NEDD9: variants seen among roughly 807,000 people sequenced by gnomAD.
The protein encoded by NEDD9 is neural precursor cell expressed, developmentally down-regulated 9, also known as enhancer of filamentation 1.
A neutral mutation model predicts 76.6 loss-of-function variants in NEDD9; 26 were observed. The observed-to-expected ratio is 0.34, with a 90% confidence interval of 0.25 to 0.47. The LOEUF (loss-of-function observed/expected upper bound fraction) is 0.47. Among genes scored for constraint, NEDD9 ranks in the 20% least tolerant of loss-of-function variants. The pLI, the probability that NEDD9 is intolerant of heterozygous loss-of-function variation, is 1.00. For synonymous variants in NEDD9, 392 were observed against 414.2 expected, an observed-to-expected ratio of 0.95 and a Z score of 0.65; for missense variants, 937 against 1,058.5, an observed-to-expected ratio of 0.89 and a Z score of 1.59.
At chr6:11,268,148 C>G (rs538699067) in intron 3 of NEDD9, among the ~76,000 whole-genome samples, 1 of 152,210 alleles carries the variant, frequency 6.6e-6, no homozygotes, top group Non-Finnish European at 1.5e-5. Flanking sequence ...TCCCTCCTTA[C>G]TCTCCCTAGT....
Position 11,189,982 on chromosome 6 carries a change from G to A in NEDD9, c.1887C>T (p.Tyr629=), listed in dbSNP as rs35719173. ...DGSERSWMDD[Y]DYVHLQGKEE... is the part of the protein sequence containing the mutation. ...GTTTTACCTGTAGGTGGACGTAATCGTAGTCATCCATCCAGCTCCTCTCAG... is the reference window on the plus strand; with the variant it reads ...GTTTTACCTGTAGGTGGACGTAATCATAGTCATCCATCCAGCTCCTCTCAG... Residue 629 remains tyrosine, a synonymous_variant, in exon 5 of 7, where the codon TAC becomes TAT. Transcript: ENST00000379446. 0.02 allele frequency: 30,468 copies of A among 1,517,960 alleles called. 383 individuals carry two copies. Among genetic ancestry groups the A allele is most frequent in the South Asian group, 0.025 (1,871 of 75,218 alleles). 94.0% of individuals were successfully genotyped at this position (1,517,960 alleles called of 1,614,324 possible). A position where few individuals can be genotyped will look rare whatever the true frequency, so the allele number is the denominator to read the frequency against.
chr6:11,244,046 AC>A (rs1759761920), intron 3 of NEDD9, among the ~76,000 whole-genome samples: 2 of 152,136 alleles, frequency 1.3e-5, no homozygotes. Flanking sequence ...GATACCCTCC[AC>A]CATGTGGGTG....
At chr6:11,230,312 G>A (rs1234043269) in intron 1 of NEDD9, among the ~76,000 whole-genome samples, 1 of 152,244 alleles carries the variant, frequency 6.6e-6, no homozygotes, top group African/African-American at 2.4e-5. Context: ...AGTGGTTAAA[G>A]TCATGAGTTC....
intron 3 of NEDD9, among the ~76,000 whole-genome samples, chr6:11,279,496 G>T (rs1038312110): frequency 6.6e-6 from 1 of 152,240 alleles, no homozygotes; most frequent in Non-Finnish European, 1.5e-5. Context: ...GTGGGCTGCG[G>T]TCTCCCGGTT....
intron 3 of NEDD9, among the ~76,000 whole-genome samples, chr6:11,294,868 CAT>C (rs1230677815): frequency 6.6e-6 from 1 of 152,186 alleles, no homozygotes; most frequent in Non-Finnish European, 1.5e-5. Context: ...ATAATTCCCA[CAT>C]GTTGTGAGAG....
intron 1 of NEDD9, among the ~76,000 whole-genome samples, chr6:11,340,794 T>C (rs1489794941): frequency 1.3e-5 from 2 of 152,234 alleles, no homozygotes; most frequent in African/African-American, 4.8e-5. Flanking sequence ...CAAGAGCTAG[T>C]GTGATTCTGT....
chr6:11,264,273 G>A (rs1027193546), intron 3 of NEDD9, among the ~76,000 whole-genome samples: 2 of 152,190 alleles, frequency 1.3e-5, no homozygotes, highest in Non-Finnish European at 2.9e-5. Flanking sequence ...GAGGTGACAG[G>A]AGCATGCCCA....
intron 2 of NEDD9, among the ~76,000 whole-genome samples, chr6:11,318,173 T>C (rs566594030): frequency 2.0e-5 from 3 of 152,114 alleles, no homozygotes; most frequent in Non-Finnish European, 2.9e-5. Context: ...CACCATCAGC[T>C]CTCTTGGGTC....
At chr6:11,330,080 T>C (rs6925084) in intron 2 of NEDD9, among the ~76,000 whole-genome samples, 1 of 151,956 alleles carries the variant, frequency 6.6e-6, no homozygotes, top group African/African-American at 2.4e-5. Context: ...GTGACTGAGG[T>C]AGTGAGTTTT....
chr6:11,275,136 A>C (rs1760390177), intron 3 of NEDD9, among the ~76,000 whole-genome samples: 1 of 152,218 alleles, frequency 6.6e-6, no homozygotes, highest in African/African-American at 2.4e-5. Context: ...CAGGGGAATA[A>C]ACCAGACACA....
intron 1 of NEDD9, among the ~76,000 whole-genome samples, chr6:11,339,583 C>T (rs922234652): frequency 2.0e-5 from 3 of 152,204 alleles, no homozygotes; most frequent in Non-Finnish European, 4.4e-5. Context: ...TCATATTTCA[C>T]CAAGTTTTTC....
chr6:11,325,499 CTT>C (rs762525359), intron 2 of NEDD9, among the ~76,000 whole-genome samples: 2 of 152,144 alleles, frequency 1.3e-5, no homozygotes, highest in Non-Finnish European at 2.9e-5. Flanking sequence ...ATTAAATGCT[CTT>C]ATATTTTCGT....
upstream of NEDD9, among the ~76,000 whole-genome samples, chr6:11,236,767 C>T (rs147366739): frequency 1.4e-3 from 216 of 152,308 alleles, no homozygotes; most frequent in Admixed American, 3.9e-3. The surrounding 1 kb of genome is among the most constrained non-coding windows in gnomAD (Gnocchi z 5.5). Flanking sequence ...TTGCTCACTA[C>T]GTGTTTAATT....
intron 2 of NEDD9, chr6:11,306,244 C>T (rs2113421669): frequency 1.8e-6 from 1 of 551,334 alleles, no homozygotes; most frequent in African/African-American, 1.9e-5. Flanking sequence ...ATCATAGCAG[C>T]TGGAAAAGCC....
chr6:11,298,895 C>T (rs1327301581), intron 3 of NEDD9, among the ~76,000 whole-genome samples: 1 of 152,134 alleles, frequency 6.6e-6, no homozygotes, highest in Non-Finnish European at 1.5e-5. Flanking sequence ...ATAGGAACAG[C>T]TCCAGTCTGC....
At chr6:11,277,123 C>T (rs115673849) in intron 3 of NEDD9, among the ~76,000 whole-genome samples, 4,854 of 152,200 alleles carry the variant, frequency 0.032, 161 homozygotes, top group African/African-American at 0.084. Flanking sequence ...AAGCATGGGG[C>T]GGAACTATCA....
rs977171660 is a variant in NEDD9, at chr6:11,230,817, C to T, written c.12+1687G>A. 4.6e-5 allele frequency among the ~76,000 whole-genome samples: 7 copies of T among 152,304 alleles called. No homozygotes were observed. The South Asian group carries it at 6.2e-4, about 14-fold the overall frequency. On this transcript the variant is annotated intron_variant, in intron 1 of 6. Coordinates refer to ENST00000379446, the MANE Select transcript of NEDD9 (RefSeq NM_006403.4). Reference sequence around the variant, plus strand: ...CTCCATGAATGCCAATCGCAGTTTACGCTGTCAGTCACTTTATCAGTTGCC... The same window carrying T: ...CTCCATGAATGCCAATCGCAGTTTATGCTGTCAGTCACTTTATCAGTTGCC...
At chr6:11,308,601 C>A (rs1163692567) in intron 2 of NEDD9, among the ~76,000 whole-genome samples, 2 of 151,958 alleles carry the variant, frequency 1.3e-5, no homozygotes, top group Non-Finnish European at 1.5e-5. Context: ...AATCTCCTTA[C>A]CTCGTGATCC....
chr6:11,327,384 G>A (rs1043993880), intron 2 of NEDD9, among the ~76,000 whole-genome samples: 3 of 152,176 alleles, frequency 2.0e-5, no homozygotes, highest in Non-Finnish European at 2.9e-5. Context: ...ATTGCACCGC[G>A]TTCATACAGT....
Sources: gnomAD v4.1 joint callset for allele counts (sites outside exome capture counted in the v4.1 genomes callset) on GRCh38, gnomAD v4.1.1 for gene constraint, Gnocchi (gnomAD v3.1) non-coding constraint, MANE v1.5 for transcripts, NCBI Gene and HGNC (gene_info 2026-07-23, HGNC 2026-07-21) for gene names.